The following CYP3A7 variants were observed in gnomAD, a reference collection of about 807,000 sequenced individuals.
CYP3A7 encodes cytochrome P450 family 3 subfamily A member 7, also known as cytochrome P450 3A7.
A neutral mutation model predicts 55.2 loss-of-function variants in CYP3A7; 45 were observed. The observed-to-expected ratio is 0.82, with a 90% CI of 0.64 to 1.05. The LOEUF (loss-of-function observed/expected upper bound fraction) is 1.05. Among genes scored for constraint, CYP3A7 ranks in the 50% least tolerant of loss-of-function variants. The probability of loss-of-function intolerance (pLI) is 0.00; values close to 1 mark genes in which losing one functional copy is unlikely to be tolerated. For synonymous variants in CYP3A7, 180 were observed against 207.4 expected, an observed-to-expected ratio of 0.87 and a Z score of 1.13; for missense variants, 548 against 605.3, an observed-to-expected ratio of 0.91 and a Z score of 0.99.
At chr7:99,708,894 T>A in intron 11 of CYP3A7, 141 bp downstream of exon 11, 1 of 993,322 alleles carries the variant, frequency 1.0e-6, no homozygotes, top group Non-Finnish European at 1.5e-6. Flanking sequence ...GTGACAATGA[T>A]CAATTTCATG....
intron 9 of CYP3A7, 119 bp from the exon 10 acceptor site, chr7:99,711,011 T>G: frequency 6.5e-7 from 1 of 1,526,882 alleles, no homozygotes; most frequent in Non-Finnish European, 8.9e-7. Context: ...GAAAAGCAAT[T>G]CAGAGTCTCA....
chr7:99,726,538 C>T (rs372353209), intron 2 of CYP3A7, among the ~76,000 whole-genome samples: 1 of 152,170 alleles, frequency 6.6e-6, no homozygotes, highest in East Asian at 1.9e-4. Context: ...TTCACTATTC[C>T]CCTGCACCAC....
intron 3 of CYP3A7, 113 bp from the exon 4 acceptor site, chr7:99,720,525 A>C: frequency 1.7e-6 from 2 of 1,142,910 alleles, no homozygotes; most frequent in Non-Finnish European, 2.6e-6. Context: ...TAGATGTACA[A>C]TACACAGTAA....
intron 10 of CYP3A7, among the ~76,000 whole-genome samples, chr7:99,710,328 G>C (rs1321734334): frequency 6.6e-6 from 1 of 152,200 alleles, no homozygotes; most frequent in Non-Finnish European, 1.5e-5. Flanking sequence ...ATGTGGGGCA[G>C]AGCTGAGTCA....
chr7:99,726,352 T>C (rs541398760), intron 2 of CYP3A7, among the ~76,000 whole-genome samples: 1 of 152,188 alleles, frequency 6.6e-6, no homozygotes, highest in Admixed American at 6.5e-5. Context: ...TCCTTATAAT[T>C]CCCCCATCTT....
At chr7:99,734,692 G>A (rs1457140891) in intron 1 of CYP3A7, among the ~76,000 whole-genome samples, 1 of 149,888 alleles carries the variant, frequency 6.7e-6, no homozygotes, top group Non-Finnish European at 1.5e-5. Context: ...CATGATCTCA[G>A]TTCACTGCAA....
rs146180463 is a variant in CYP3A7, at chr7:99,717,178, G to C, written c.520C>G (p.His174Asp). The change falls in exon 6 of 13, where the codon CAC (histidine) becomes GAC (aspartate). Residue 174 changes from histidine (H) to aspartate (D), a missense_variant and splice_region_variant. Transcript: ENST00000336374. ...AETGKPVTLK[H>D]VFGAYSMDVI... ...CCCCATGGCTGTGCTCCTACTTACT[G>C]TTTCAAGGTGACAGGCTTGCCTGTC... 2.5e-5 allele frequency: 41 copies of C among 1,613,720 alleles called. No individual in the cohort carries two copies. Among genetic ancestry groups the C allele is most frequent in the East Asian group, 8.9e-5 (4 of 44,870 alleles).
In CYP3A7 at chr7:99,719,974, G is replaced by T. The variant is rs191005536; in HGVS notation, c.318+339C>A. On this transcript the variant is annotated intron_variant, in intron 4 of 12. Transcript: ENST00000336374. ...ACCACACCACTGTACTCCCATTTGGGTGACAGAGTGTGACTCAGTCCGAAA... is the reference window on the plus strand; with the variant it reads ...ACCACACCACTGTACTCCCATTTGGTTGACAGAGTGTGACTCAGTCCGAAA... Among the ~76,000 whole-genome samples the T allele has an allele frequency of 4.6e-5, 7 of 152,240 alleles. No individual in the cohort carries two copies. The East Asian group carries it at 1.4e-3, about 29-fold the overall frequency.
chr7:99,729,110 G>A (rs1814527290), intron 2 of CYP3A7, among the ~76,000 whole-genome samples: 1 of 152,092 alleles, frequency 6.6e-6, no homozygotes, highest in Admixed American at 6.6e-5. Flanking sequence ...GACCCACCTG[G>A]ACACTTTCTA....
chr7:99,711,678 T>A (rs530218413), intron 9 of CYP3A7, among the ~76,000 whole-genome samples: 1 of 152,188 alleles, frequency 6.6e-6, no homozygotes, highest in East Asian at 1.9e-4. Context: ...TGAGGCAGAA[T>A]AATCGCTTGA....
chr7:99,732,118 TC>T lies in CYP3A7; in HGVS notation c.72-967del, dbSNP rs374015301. On this transcript the variant is annotated intron_variant, in intron 1 of 12. Coordinates refer to ENST00000336374, the MANE Select transcript of CYP3A7 (RefSeq NM_000765.5). ...TGGTGGTTGTATCTTAGAGGCAGTT[TC>T]TCATGGTTTCACACCATCCCCCTTG... Among the ~76,000 whole-genome samples, 37 of 152,254 alleles carry T rather than the reference TC, an allele frequency of 2.4e-4. No individual in the cohort carries two copies. The South Asian group carries it at 6.9e-3, about 28-fold the overall frequency.
chr7:99,717,433 ACTC>A, intron 5 of CYP3A7, 90 bp downstream of exon 5: 1 of 1,584,374 alleles, frequency 6.3e-7, no homozygotes, highest in Non-Finnish European at 8.6e-7. Context: ...TCAGCAGACT[ACTC>A]CTCGGAAAGG....
At chr7:99,717,740 T>C in intron 4 of CYP3A7, 101 bp from the exon 5 acceptor site, 1 of 1,419,430 alleles carries the variant, frequency 7.0e-7, no homozygotes, top group Non-Finnish European at 9.7e-7. Context: ...AACAAATATT[T>C]AGTGACTGTC....
intron 2 of CYP3A7, 134 bp downstream of exon 2, chr7:99,730,925 G>T: frequency 8.3e-7 from 1 of 1,211,170 alleles, no homozygotes; most frequent in Non-Finnish European, 1.2e-6. Flanking sequence ...GCCACGCTCT[G>T]GGTGATGCCT....
rs536656450 is a variant in CYP3A7 at position 99,705,528 on chromosome 7, G to A, written c.1484C>T (p.Ser495Leu). The change falls in exon 13 of 13, where the codon TCA becomes TTA. Residue 495 changes from serine to leucine, a missense_variant. Ser to Leu is a moderately radical substitution (Grantham distance 145, BLOSUM62 -2). Coordinates refer to ENST00000336374, the MANE Select transcript of CYP3A7 (RefSeq NM_000765.5). Reference protein sequence around the residue: ...TEKPIVLKAESRDETVSGA With the variant: ...TEKPIVLKAELRDETVSGA ...GGCTCCACTTACGGTCTCATCCCTTGACTCAGCCTTTAGAACAATGGGTTT... is the reference window on the plus strand; with the variant it reads ...GGCTCCACTTACGGTCTCATCCCTTAACTCAGCCTTTAGAACAATGGGTTT... The A allele has an allele frequency of 6.2e-6, 10 of 1,613,624 alleles. No individual in the cohort carries two copies. The South Asian group carries it at 1.1e-4, about 18-fold the overall frequency.
intron 6 of CYP3A7, among the ~76,000 whole-genome samples, chr7:99,716,328 C>T (rs972369176): frequency 6.6e-6 from 1 of 152,166 alleles, no homozygotes; most frequent in Non-Finnish European, 1.5e-5. Flanking sequence ...ACTCTATGCC[C>T]AGAGCCGATT....
At chr7:99,708,996 G>A in intron 11 of CYP3A7, 39 bp downstream of exon 11, 1 of 1,603,082 alleles carries the variant, frequency 6.2e-7, no homozygotes, top group East Asian at 2.2e-5. Flanking sequence ...CTTGAACCAG[G>A]CTGGTTCAGG....
chr7:99,723,298 A>G (rs369428375), intron 2 of CYP3A7, among the ~76,000 whole-genome samples: 21 of 152,242 alleles, frequency 1.4e-4, no homozygotes, highest in East Asian at 1.4e-3. Context: ...CCCTGCCCCA[A>G]CTGATCGATT....
chr7:99,729,052 TTAAAGA>T (rs1394546409), intron 2 of CYP3A7, among the ~76,000 whole-genome samples: 5 of 152,170 alleles, frequency 3.3e-5, no homozygotes, highest in Non-Finnish European at 4.4e-5. Context: ...ATAAAAAAGC[TTAAAGA>T]TAAAGACCAA....
Sources: allele counts gnomAD v4.1 joint callset (sites outside exome capture counted in the v4.1 genomes callset), GRCh38; gene constraint gnomAD v4.1.1; transcripts MANE v1.5; gene names NCBI Gene and HGNC (gene_info 2026-07-23, HGNC 2026-07-21).